Variants in ACBD6 observed in about 807,000 individuals in gnomAD.
ACBD6 encodes acyl-CoA-binding domain-containing protein 6.
A neutral mutation model predicts 37.2 loss-of-function variants in ACBD6; 28 were observed. The observed-to-expected ratio is 0.75, with a 90% confidence interval of 0.56 to 1.03. The LOEUF (loss-of-function observed/expected upper bound fraction) is 1.03. ACBD6 is among the 50% of genes least tolerant of loss of function. The probability of loss-of-function intolerance (pLI) is 0.00; values close to 1 mark genes in which losing one functional copy is unlikely to be tolerated. For synonymous variants in ACBD6, 113 were observed against 126.8 expected, an observed-to-expected ratio of 0.89 and a Z score of 0.73; for missense variants, 340 against 337.4, an observed-to-expected ratio of 1.01 and a Z score of -0.06.
At chr1:180,471,410 A>AG (rs1363582967) in intron 3 of ACBD6, among the ~76,000 whole-genome samples, 1 of 151,278 alleles carries the variant, frequency 6.6e-6, no homozygotes, top group Admixed American at 6.6e-5. Context: ...AGGAAAAAAA[A>AG]AAAAAAAGTT....
intron 6 of ACBD6, among the ~76,000 whole-genome samples, chr1:180,376,618 T>C (rs551702413): frequency 6.6e-6 from 1 of 151,998 alleles, no homozygotes; most frequent in Admixed American, 6.5e-5. Context: ...AAATGGGATA[T>C]GAAAATGTGC....
chr1:180,383,491 C>G (rs1653736862), intron 6 of ACBD6, among the ~76,000 whole-genome samples: 1 of 151,932 alleles, frequency 6.6e-6, no homozygotes, highest in African/African-American at 2.4e-5. Context: ...GGTGAAAGAT[C>G]TCTATAAGGA....
At chr1:180,421,160 G>A (rs1439919774) in intron 4 of ACBD6, among the ~76,000 whole-genome samples, 1 of 152,066 alleles carries the variant, frequency 6.6e-6, no homozygotes. Flanking sequence ...TCCACCTGAT[G>A]CTCTCCCTCC....
chr1:180,378,365 C>T (rs1653517400), intron 6 of ACBD6, among the ~76,000 whole-genome samples: 1 of 152,102 alleles, frequency 6.6e-6, no homozygotes, highest in Admixed American at 6.5e-5. Flanking sequence ...AATTACAATA[C>T]TGGATAGGAT....
At chr1:180,403,141 A>G (rs535958453) in intron 5 of ACBD6, among the ~76,000 whole-genome samples, 1 of 152,324 alleles carries the variant, frequency 6.6e-6, no homozygotes, top group East Asian at 1.9e-4. Flanking sequence ...AGCAGAACTT[A>G]TCTATGGTAG....
intron 1 of ACBD6, 56 bp from the exon 2 acceptor site, chr1:180,495,581 T>C: frequency 7.2e-7 from 1 of 1,386,952 alleles, no homozygotes; most frequent in East Asian, 2.3e-5. Context: ...TCTGGGAAAC[T>C]TTTCCTTTTC....
At chr1:180,350,890 C>T (rs1387519257) in intron 6 of ACBD6, among the ~76,000 whole-genome samples, 3 of 152,120 alleles carry the variant, frequency 2.0e-5, no homozygotes, top group African/African-American at 7.2e-5. Context: ...TCTACTGTCT[C>T]AGATAGTAAG....
At chr1:180,396,112 A>C (rs936278215) in intron 6 of ACBD6, among the ~76,000 whole-genome samples, 8 of 152,158 alleles carry the variant, frequency 5.3e-5, no homozygotes, top group Non-Finnish European at 1.2e-4. Flanking sequence ...ACAGAAATAG[A>C]AAGTAGAATG....
Position 180,368,233 on chromosome 1 carries a change from G to A in ACBD6, c.663+29283C>T, listed in dbSNP as rs564800269. 7.9e-5 allele frequency among the ~76,000 whole-genome samples: 12 copies of A among 151,856 alleles called. No individual in the cohort carries two copies. The South Asian group carries it at 2.5e-3, about 32-fold the overall frequency. ...GTTTTTTTGTCCACTTTTTAATGGG[G>A]TTCTCTCTTGTAAATTTAAGTTATT... On this transcript the variant is annotated intron_variant, in intron 6 of 7. Coordinates refer to ENST00000367595, the MANE Select transcript of ACBD6 (RefSeq NM_032360.4).
intron 5 of ACBD6, among the ~76,000 whole-genome samples, chr1:180,400,261 A>G (rs1222776421): frequency 6.6e-6 from 1 of 152,214 alleles, no homozygotes; most frequent in Non-Finnish European, 1.5e-5. Flanking sequence ...CACTTTGGAT[A>G]TATTTTCCAG....
intron 6 of ACBD6, among the ~76,000 whole-genome samples, chr1:180,325,778 T>C (rs760494127): frequency 9.9e-5 from 15 of 152,214 alleles, no homozygotes; most frequent in Non-Finnish European, 1.5e-4. Context: ...TGAAAACTCA[T>C]AGAGGTAGTG....
intron 6 of ACBD6, among the ~76,000 whole-genome samples, chr1:180,321,686 A>G (rs1345891463): frequency 6.6e-6 from 1 of 152,168 alleles, no homozygotes; most frequent in African/African-American, 2.4e-5. Flanking sequence ...AAAAAAAGAA[A>G]TGCTACTGAT....
intron 1 of ACBD6, among the ~76,000 whole-genome samples, chr1:180,496,943 G>C (rs1316111611): frequency 6.6e-6 from 1 of 152,104 alleles, no homozygotes; most frequent in African/African-American, 2.4e-5. Context: ...GGTTGTCTCA[G>C]TTCACACATT....
At chr1:180,435,389 C>T in intron 3 of ACBD6, 1 of 407,660 alleles carries the variant, frequency 2.5e-6, no homozygotes, top group South Asian at 2.7e-5. Flanking sequence ...ACTGGGACTA[C>T]AGGCGCCCGC....
chr1:180,413,647 T>A lies in ACBD6; in HGVS notation c.468-176A>T, dbSNP rs4421553. 0.49 allele frequency among the ~76,000 whole-genome samples: 73,898 copies of A among 151,982 alleles called. 20,797 individuals carry two copies. The highest frequency in any genetic ancestry group is 0.66 in the South Asian group (3,191 of 4,830). On this transcript the variant is annotated intron_variant, in intron 4 of 7. Coordinates refer to ENST00000367595, the MANE Select transcript of ACBD6 (RefSeq NM_032360.4). ...TAATATATCCAACTCCTGAAAAGAC[T>A]AAAGTTCTTAGTTTCCTACTTGCCT... is the stretch of plus-strand genomic sequence containing the variant.
At chr1:180,304,179 C>G (rs766483049) in intron 7 of ACBD6, among the ~76,000 whole-genome samples, 1 of 150,816 alleles carries the variant, frequency 6.6e-6, no homozygotes, top group Admixed American at 6.6e-5. Flanking sequence ...TGGAACCATT[C>G]CCTTTGAAAA....
chr1:180,377,612 A>G (rs114247243), intron 6 of ACBD6, among the ~76,000 whole-genome samples: 2,802 of 152,282 alleles, frequency 0.018, 91 homozygotes, highest in African/African-American at 0.063. Context: ...AAATACCACA[A>G]TAACAACTGT....
intron 3 of ACBD6, among the ~76,000 whole-genome samples, chr1:180,481,385 G>C (rs1651037677): frequency 6.6e-6 from 1 of 152,082 alleles, no homozygotes; most frequent in Non-Finnish European, 1.5e-5. Context: ...ACACAGTTTT[G>C]AAAATCATCA....
At chr1:180,340,476 A>G (rs559039039) in intron 6 of ACBD6, among the ~76,000 whole-genome samples, 1 of 152,198 alleles carries the variant, frequency 6.6e-6, no homozygotes, top group East Asian at 1.9e-4. Flanking sequence ...GATTATGGGA[A>G]AGAAGGAATT....
Sources: gnomAD v4.1 joint callset for allele counts (sites outside exome capture counted in the v4.1 genomes callset) on GRCh38, gnomAD v4.1.1 for gene constraint, MANE v1.5 for transcripts, NCBI Gene and HGNC (gene_info 2026-07-23, HGNC 2026-07-21) for gene names.